Variants in PER3 observed in about 807,000 individuals in gnomAD.
PER3 encodes the protein period circadian regulator 3.
Under a neutral mutation model 127.2 loss-of-function variants are expected in PER3, and 107 were observed. The observed-to-expected ratio is 0.84, with a 90% confidence interval of 0.72 to 0.99. The LOEUF (loss-of-function observed/expected upper bound fraction) is 0.99. Ranked by LOEUF, PER3 falls within the 50% of genes least tolerant of loss-of-function variation. PER3 has a pLI of 0.00. For synonymous variants in PER3, 618 were observed against 585.8 expected, an observed-to-expected ratio of 1.05 and a Z score of -0.79; for missense variants, 1,560 against 1,525.8, an observed-to-expected ratio of 1.02 and a Z score of -0.37.
intron 18 of PER3, among the ~76,000 whole-genome samples, chr1:7,828,939 CAAAAA>C (rs971543122): frequency 1.3e-5 from 2 of 150,654 alleles, no homozygotes; most frequent in Non-Finnish European, 3.0e-5. Context: ...TGCTGAGTGA[CAAAAA>C]AAAACTACTT....
chr1:7,817,119 T>TTCCA, intron 13 of PER3, among the ~76,000 whole-genome samples: 1 of 152,350 alleles, frequency 6.6e-6, no homozygotes, highest in Non-Finnish European at 1.5e-5. Flanking sequence ...ATGCTCTAGC[T>TTCCA]CTGGAAAACA....
At chr1:7,790,315 A>G (rs2097113326) in intron 5 of PER3, among the ~76,000 whole-genome samples, 1 of 152,220 alleles carries the variant, frequency 6.6e-6, no homozygotes. Flanking sequence ...GGAAGCAAAC[A>G]TGTCTTTCTA....
At chr1:7,786,343 G>T (rs1354865494) in intron 3 of PER3, among the ~76,000 whole-genome samples, 1 of 152,080 alleles carries the variant, frequency 6.6e-6, no homozygotes, top group Non-Finnish European at 1.5e-5. Context: ...TTTTCTCTCT[G>T]ACATTTCCAG....
chr1:7,809,806 T>G, intron 11 of PER3, 87 bp from the exon 12 acceptor site: 1 of 1,280,338 alleles, frequency 7.8e-7, no homozygotes, highest in South Asian at 1.4e-5. Context: ...ATTGTCATCT[T>G]AATTTTTACA....
chr1:7,808,985 A>G lies in PER3; in HGVS notation c.1229A>G (p.Lys410Arg), dbSNP rs763769720. The change falls in exon 11 of 22, where the codon AAA becomes AGA. Residue 410 changes from lysine to arginine, a missense_variant. This residue lies in a region of PER3 where 1,332 missense variants were observed against 1,223.6 expected (regional missense o/e 1.09). Coordinates refer to ENST00000377532, the MANE Select transcript of PER3 (RefSeq NM_001377275.1). ...DITELQEQIY[K>R]LLLQPVHVSV... ...ACAGAATTACAAGAACAAATTTACA[A>G]ACTTCTCTTACAGGTAAGGTGAGAT... 6.6e-7 allele frequency: 1 copy of G among 1,511,502 alleles called. No homozygotes were observed. The highest frequency in any genetic ancestry group is 2.0e-4 in the Middle Eastern group (1 of 5,116). The allele number at this position is 1,511,502 out of a possible 1,614,324, so 93.6% of individuals were successfully genotyped here.
rs192402256 is a variant in PER3 at position 7,807,410 on chromosome 1, C to T, written c.1137-1483C>T. On this transcript the variant is annotated intron_variant, in intron 10 of 21. Coordinates refer to ENST00000377532, the MANE Select transcript of PER3 (RefSeq NM_001377275.1). ...GTGGAGATATTCCTGACTGCTTTTA[C>T]GATACTGTCAGCATCCTATGATTGT... 3.3e-4 allele frequency among the ~76,000 whole-genome samples: 50 copies of T among 152,258 alleles called. 1 individual carries two copies. Among genetic ancestry groups the T allele is most frequent in the Non-Finnish European group, 1.3e-4 (9 of 68,006 alleles).
intron 21 of PER3, among the ~76,000 whole-genome samples, chr1:7,842,431 C>T (rs901900359): frequency 3.3e-5 from 5 of 151,460 alleles, no homozygotes; most frequent in Admixed American, 2.0e-4. Flanking sequence ...ACCTGGGAGG[C>T]GGAGGTTGCA....
intron 17 of PER3, 55 bp from the exon 18 acceptor site, chr1:7,827,063 T>A: frequency 7.3e-7 from 1 of 1,361,146 alleles, no homozygotes; most frequent in Non-Finnish European, 9.9e-7. Flanking sequence ...GTGGCATCCT[T>A]CTCTTCTTTT....
At chr1:7,815,462 A>AACT (rs1476208820) in intron 13 of PER3, among the ~76,000 whole-genome samples, 1 of 152,264 alleles carries the variant, frequency 6.6e-6, no homozygotes, top group Non-Finnish European at 1.5e-5. Context: ...GAATGTTAGT[A>AACT]GAGTTAGAAA....
intron 20 of PER3, among the ~76,000 whole-genome samples, chr1:7,836,474 C>T (rs1408776597): frequency 1.3e-5 from 2 of 152,042 alleles, no homozygotes; most frequent in Admixed American, 1.3e-4. Context: ...CCACTGCACC[C>T]GGCCTATGGT....
intron 2 of PER3, 129 bp from the exon 3 acceptor site, chr1:7,785,312 G>A: frequency 4.2e-6 from 3 of 708,274 alleles, no homozygotes; most frequent in Admixed American, 5.5e-5. Flanking sequence ...GAGGAAGAGG[G>A]GTCACCACCC....
chr1:7,803,587 C>CA (rs936003618), intron 9 of PER3, 105 bp from the exon 10 acceptor site: 121 of 747,034 alleles, frequency 1.6e-4, no homozygotes, highest in Middle Eastern at 3.8e-4. Flanking sequence ...GACTCAATCT[C>CA]AAAAAAAACC....
At chr1:7,810,108 T>G (rs1558426181) in intron 12 of PER3, 87 bp downstream of exon 12, 2 of 1,309,680 alleles carry the variant, frequency 1.5e-6, no homozygotes, top group Non-Finnish European at 2.1e-6. Flanking sequence ...TTAGTATATA[T>G]TCCTGACTTG....
Position 7,785,157 on chromosome 1 carries a change from G to A in PER3, c.128+152G>A, listed in dbSNP as rs148619569. 1.0e-4 allele frequency: 91 copies of A among 882,850 alleles called. No individual in the cohort carries two copies. In the East Asian group the frequency reaches 2.4e-3, roughly 23 times the overall value. 54.7% of individuals were successfully genotyped at this position (882,850 alleles called of 1,614,324 possible). On this transcript the variant is annotated intron_variant, in intron 2 of 21. Coordinates refer to ENST00000377532, the MANE Select transcript of PER3 (RefSeq NM_001377275.1). ...CGGGCAATGTAGGATGAAGTGATCC[G>A]TGACACTGAAGAAAATTACCGAAGA... is the stretch of plus-strand genomic sequence containing the variant.
rs898245898 is a variant in PER3 at position 7,788,215 on chromosome 1, G to A, written c.561G>A (p.Gln187=). The change falls in exon 5 of 22, where the codon CAG becomes CAA. Residue 187 remains glutamine (Q), a synonymous_variant. Coordinates refer to ENST00000377532, the MANE Select transcript of PER3 (RefSeq NM_001377275.1). ...TCTACGCGCACACTGCCAGAGCTCA[G>A]CTTCCTTTCTGGAACAACTGGACCC... is the stretch of plus-strand genomic sequence containing the variant. ...RVFYAHTARA[Q]LPFWNNWTQR... is the part of the protein sequence containing the mutation. The A allele has an allele frequency of 3.1e-6, 5 of 1,614,042 alleles. 1 individual carries two copies. In the South Asian group the frequency reaches 4.4e-5, roughly 14 times the overall value.
At chr1:7,810,684 C>T (rs2097215564) in intron 13 of PER3, 96 bp downstream of exon 13, 1 of 1,157,010 alleles carries the variant, frequency 8.6e-7, no homozygotes, top group Admixed American at 2.7e-5. Flanking sequence ...AGTCATGACC[C>T]TGTGTTGCTG....
At position 7,793,962 on chromosome 1, in the gene PER3, G is replaced by T. The variant is rs369203237; in HGVS notation, c.598G>T (p.Ala200Ser). ...CCAGGCATCTTTCTTTCTAGCAGCT[G>T]CACGGTATGAATGTGCTCCGGTGAA... ...FWNNWTQRAA[A>S]RYECAPVKPF... The change falls in exon 6 of 22, where the codon GCA (alanine) becomes TCA (serine). Residue 200 changes from alanine (A) to serine (S), a missense_variant. By Grantham distance (99) the Ala-to-Ser change is moderately conservative (BLOSUM62 1). Around this residue, in one of 3 missense-constraint regions of PER3, gnomAD observed 1,332 missense variants for 1,223.6 expected, o/e 1.09. Transcript: ENST00000377532. The T allele has an allele frequency of 2.5e-6, 4 of 1,613,666 alleles. No individual in the cohort carries two copies. In the African/African-American group the frequency reaches 4.0e-5, roughly 16 times the overall value.
intron 20 of PER3, among the ~76,000 whole-genome samples, chr1:7,836,190 G>T (rs1403657657): frequency 6.6e-6 from 1 of 151,208 alleles, no homozygotes; most frequent in East Asian, 2.0e-4. Flanking sequence ...TAGAGACGGG[G>T]TTTGTTTGTG....
intron 20 of PER3, 63 bp downstream of exon 20, chr1:7,836,008 T>C: frequency 2.4e-6 from 3 of 1,236,758 alleles, no homozygotes; most frequent in Middle Eastern, 2.0e-4. Flanking sequence ...TTCTTTTTTT[T>C]CTTTTTTGAG....
Sources: gnomAD v4.1 joint callset for allele counts (sites outside exome capture counted in the v4.1 genomes callset) on GRCh38, gnomAD v4.1.1 for gene constraint, gnomAD v4.1.1 regional missense constraint, MANE v1.5 for transcripts, NCBI Gene and HGNC (gene_info 2026-07-23, HGNC 2026-07-21) for gene names.